The following CRLF1 variants were observed in gnomAD, a reference collection of about 807,000 sequenced individuals.
The protein encoded by CRLF1 is cytokine receptor-like factor 1.
A neutral mutation model predicts 48.9 loss-of-function variants in CRLF1; 36 were observed. That is an observed-to-expected ratio of 0.74 (90% CI 0.56 to 0.97). CRLF1 has a LOEUF of 0.97. CRLF1 is among the 50% of genes least tolerant of loss of function. The pLI is 0.00. For missense variants in CRLF1, 534 were observed against 575.1 expected, an observed-to-expected ratio of 0.93 and a Z score of 0.73; for synonymous variants, 256 against 253.4, an observed-to-expected ratio of 1.01 and a Z score of -0.10.
intron 2 of CRLF1, 44 bp from the exon 3 acceptor site, chr19:18,598,945 C>T: frequency 6.2e-7 from 1 of 1,608,046 alleles, no homozygotes; most frequent in South Asian, 1.1e-5. Flanking sequence ...AGGGTCTGGA[C>T]TAGCTGAGCC....
intron 1 of CRLF1, among the ~76,000 whole-genome samples, chr19:18,604,935 C>G (rs1448181544): frequency 6.6e-6 from 1 of 152,146 alleles, no homozygotes; most frequent in Non-Finnish European, 1.5e-5. Flanking sequence ...GTGAGATTCT[C>G]TGCAAGCAGG....
chr19:18,596,769 G>A lies in CRLF1; in HGVS notation c.877C>T (p.Gln293Ter). The A allele has an allele frequency of 2.5e-6, 4 of 1,614,056 alleles. No individual in the cohort carries two copies. The highest frequency in any genetic ancestry group is 3.4e-6 in the Non-Finnish European group (4 of 1,179,996). ...AGGCCGGCCAGGCGGCAGGAGGTCT[G>A]GTTGCTCACATCGTCCACCACCTGG... is the stretch of plus-strand genomic sequence containing the variant. ...DWKVVDDVSN[Q>*]TSCRLAGLKP... is the part of the protein sequence containing the mutation. Residue 293 changes from glutamine to a stop codon, truncating the protein, a stop_gained, in exon 6 of 9, where the codon CAG becomes TAG. Transcript: ENST00000392386. LOFTEE classifies it high-confidence loss of function.
chr19:18,598,419 A>C lies in CRLF1; in HGVS notation c.697+13T>G. On this transcript the variant is annotated intron_variant, in intron 4 of 8. Transcript: ENST00000392386. Reference sequence around the variant, plus strand: ...GTGCCGAGGGAGGGGCCTAGCAGACACTGGGGGCTCACCCACATCCAGGAT... The same window carrying C: ...GTGCCGAGGGAGGGGCCTAGCAGACCCTGGGGGCTCACCCACATCCAGGAT... 5.0e-6 allele frequency: 8 copies of C among 1,608,092 alleles called. No individual in the cohort carries two copies. Among genetic ancestry groups the C allele is most frequent in the Non-Finnish European group, 6.8e-6 (8 of 1,176,174 alleles).
Position 18,599,658 on chromosome 19 carries a change from T to A in CRLF1, c.304A>T (p.Asn102Tyr). ...GACCGCTGCCTGGACCCATTGAGGTTGGCCAGGGCCAGAGCCAAGGTGGAG... is the reference window on the plus strand; with the variant it reads ...GACCGCTGCCTGGACCCATTGAGGTAGGCCAGGGCCAGAGCCAAGGTGGAG... ...NASTLALALA[N>Y]LNGSRQRSGD... The change falls in exon 2 of 9, where the codon AAC becomes TAC. Residue 102 changes from asparagine to tyrosine, a missense_variant. By Grantham distance (143) the Asn-to-Tyr change is moderately radical. This residue lies in a region of CRLF1 where 528 missense variants were observed against 555.7 expected (regional missense o/e 0.95). Transcript: ENST00000392386. The A allele has an allele frequency of 6.2e-7, 1 of 1,613,536 alleles. No homozygotes were observed. The highest frequency in any genetic ancestry group is 8.5e-7 in the Non-Finnish European group (1 of 1,179,912).
chr19:18,606,376 G>A lies in CRLF1; in HGVS notation c.115+166C>T, dbSNP rs1317504147. ...GACTCTCTGGACAGTGGACTGCGGC[G>A]CCGTGTGCCCCGCAGGTGAGGGCGC... On this transcript the variant is annotated intron_variant, in intron 1 of 8. Coordinates refer to ENST00000392386, the MANE Select transcript of CRLF1 (RefSeq NM_004750.5). This position sits in a 1 kb window ranked among gnomAD's most constrained non-coding sequence, Gnocchi z 4.8. 6.6e-6 allele frequency among the ~76,000 whole-genome samples: 1 copy of A among 151,276 alleles called. No individual in the cohort carries two copies. The highest frequency in any genetic ancestry group is 2.1e-4 in the South Asian group (1 of 4,810).
chr19:18,594,029 T>TGGGTGGGG, intron 8 of CRLF1, 36 bp downstream of exon 8: 27 of 1,366,572 alleles, frequency 2.0e-5, no homozygotes, highest in Non-Finnish European at 2.6e-5. Context: ...GCCCTCCCCT[T>TGGGTGGGG]GCTCCCTCCC....
intron 4 of CRLF1, among the ~76,000 whole-genome samples, chr19:18,598,196 G>A (rs904053253): frequency 2.0e-5 from 3 of 152,154 alleles, no homozygotes; most frequent in Non-Finnish European, 4.4e-5. Flanking sequence ...GCCAGGCCAG[G>A]TGTTCTCTGT....
At position 18,596,877 on chromosome 19, in the gene CRLF1, G is replaced by C; in HGVS notation, c.855+15C>G. The C allele has an allele frequency of 1.9e-6, 3 of 1,614,022 alleles. No homozygotes were observed. Among genetic ancestry groups the C allele is most frequent in the Non-Finnish European group, 2.5e-6 (3 of 1,180,014 alleles). ...TGGAAGGAACAGGGGCGGAGTCAGGGAAGGGGAGGGTCACCTTCCAGTCCA... is the reference window on the plus strand; with the variant it reads ...TGGAAGGAACAGGGGCGGAGTCAGGCAAGGGGAGGGTCACCTTCCAGTCCA... On this transcript the variant is annotated intron_variant, in intron 5 of 8. Coordinates refer to ENST00000392386, the MANE Select transcript of CRLF1 (RefSeq NM_004750.5).
Position 18,597,027 on chromosome 19 carries a change from G to T in CRLF1, c.720C>A (p.Asp240Glu), listed in dbSNP as rs894095040. ...GGCCCCCGACGCGGCTCACGTGCACGTCGGGCGGGGGGTCCGTGGTCACTG... is the reference window on the plus strand; with the variant it reads ...GGCCCCCGACGCGGCTCACGTGCACTTCGGGCGGGGGGTCCGTGGTCACTG... ...LDVVTTDPPP[D>E]VHVSRVGGLE... The change falls in exon 5 of 9, where the codon GAC becomes GAA. Residue 240 changes from aspartate (D) to glutamate (E), a missense_variant. Physicochemically the swap from Asp to Glu is conservative, Grantham distance 45 (BLOSUM62 2). Around this residue, in one of 2 missense-constraint regions of CRLF1, gnomAD observed 528 missense variants for 555.7 expected, o/e 0.95. Transcript: ENST00000392386. 1 of 1,612,782 alleles carries T rather than the reference G, an allele frequency of 6.2e-7. No individual in the cohort carries two copies. The highest frequency in any genetic ancestry group is 8.5e-7 in the Non-Finnish European group (1 of 1,179,590).
At chr19:18,594,016 G>A in intron 8 of CRLF1, 49 bp downstream of exon 8, 1 of 1,539,542 alleles carries the variant, frequency 6.5e-7, no homozygotes, top group Non-Finnish European at 8.8e-7. Flanking sequence ...GCCACCGGAA[G>A]GGGCCCTCCC....
chr19:18,599,140 C>CGCCA, intron 2 of CRLF1: 5 of 982,922 alleles, frequency 5.1e-6, no homozygotes, highest in Non-Finnish European at 6.0e-6. Flanking sequence ...AAGTCTCGCT[C>CGCCA]TGTCCCCCAG....
rs1424357190 is a variant in CRLF1 at position 18,604,907 on chromosome 19, G to A, written c.115+1635C>T. 3.9e-5 allele frequency among the ~76,000 whole-genome samples: 6 copies of A among 152,250 alleles called. No homozygotes were observed. In the East Asian group the frequency reaches 9.7e-4, roughly 25 times the overall value. ...CCGTTATTAAAAAGGAACACCATGT[G>A]TTTTAAAAGGGAAAAGTGTGAGATT... On this transcript the variant is annotated intron_variant, in intron 1 of 8. Transcript: ENST00000392386.
At chr19:18,596,505 G>A in intron 6 of CRLF1, 117 bp downstream of exon 6, 2 of 1,264,450 alleles carry the variant, frequency 1.6e-6, no homozygotes, top group African/African-American at 1.5e-5. Context: ...ACACCACTAT[G>A]CGACAGAATG....
rs80184203 is a variant in CRLF1, at chr19:18,593,284, T to C, written c.*282A>G. 563 of 497,548 alleles carry C rather than the reference T, an allele frequency of 1.1e-3. 6 individuals are homozygous for C. In the East Asian group the frequency reaches 0.016, roughly 14 times the overall value. 30.8% of individuals were successfully genotyped at this position (497,548 alleles called of 1,614,324 possible). A position where few individuals can be genotyped will look rare whatever the true frequency, so the allele number is the denominator to read the frequency against. Reference sequence around the variant, plus strand: ...TAAAAGGACTCTTTTGGAGGGGCCCTAGGTAATGGGGAGTAATGACTCCCC... The same window carrying C: ...TAAAAGGACTCTTTTGGAGGGGCCCCAGGTAATGGGGAGTAATGACTCCCC... On this transcript the variant is annotated 3_prime_UTR_variant, in exon 9 of 9. Coordinates refer to ENST00000392386, the MANE Select transcript of CRLF1 (RefSeq NM_004750.5).
In CRLF1 at chr19:18,596,980, C is replaced by A. The variant is rs763935340; in HGVS notation, c.767G>T (p.Arg256Leu). Reference sequence around the variant, plus strand: ...CTTGAGGGCGGGTGGCGACACCCAGCGCACGCTCAGCTGGTCCTCCAGGCC... The same window carrying A: ...CTTGAGGGCGGGTGGCGACACCCAGAGCACGCTCAGCTGGTCCTCCAGGCC... ...VGGLEDQLSV[R>L]WVSPPALKDF... Residue 256 changes from arginine (R) to leucine (L), a missense_variant, in exon 5 of 9, where the codon CGC (arginine) becomes CTC (leucine). By Grantham distance (102) the Arg-to-Leu change is moderately radical. Coordinates refer to ENST00000392386, the MANE Select transcript of CRLF1 (RefSeq NM_004750.5). The A allele has an allele frequency of 1.2e-6, 2 of 1,613,880 alleles. No homozygotes were observed. Among genetic ancestry groups the A allele is most frequent in the African/African-American group, 1.3e-5 (1 of 75,026 alleles).
At position 18,597,167 on chromosome 19, in the gene CRLF1, C is replaced by T. The variant is rs955273434; in HGVS notation, c.698-118G>A. The T allele has an allele frequency of 1.1e-5, 12 of 1,057,964 alleles. No individual in the cohort carries two copies. In the African/African-American group the frequency reaches 1.6e-4, roughly 14 times the overall value. The allele number at this position is 1,057,964 out of a possible 1,614,324, so 65.5% of individuals were successfully genotyped here. On this transcript the variant is annotated intron_variant, in intron 4 of 8. Coordinates refer to ENST00000392386, the MANE Select transcript of CRLF1 (RefSeq NM_004750.5). Reference sequence around the variant, plus strand: ...CCTGCCTCTGTTTTCCTCCTCTTCCCTCTGCCCCCACCCCCAGGACTGGTG... The same window carrying T: ...CCTGCCTCTGTTTTCCTCCTCTTCCTTCTGCCCCCACCCCCAGGACTGGTG...
At chr19:18,602,993 G>A (rs765137684) in intron 1 of CRLF1, among the ~76,000 whole-genome samples, 9 of 152,368 alleles carry the variant, frequency 5.9e-5, no homozygotes, top group African/African-American at 9.6e-5. Flanking sequence ...TGACAGGCGT[G>A]AGCCACTGCA....
rs577962660 is a variant in CRLF1 at position 18,606,081 on chromosome 19, C to A, written c.115+461G>T. ...GCGCGCCAGGCGGCCAGAGCGGCCC[C>A]CCTGCAGCCCCGCCCTCCCCGTGGG... On this transcript the variant is annotated intron_variant, in intron 1 of 8. Transcript: ENST00000392386. The surrounding 1 kb of genome is among the most constrained non-coding windows in gnomAD (Gnocchi z 4.8). Among the ~76,000 whole-genome samples, 7 of 151,770 alleles carry A rather than the reference C, an allele frequency of 4.6e-5. No individual in the cohort carries two copies. The South Asian group carries it at 1.5e-3, about 31-fold the overall frequency.
intron 1 of CRLF1, among the ~76,000 whole-genome samples, chr19:18,602,870 C>G (rs533285790): frequency 6.6e-6 from 1 of 151,942 alleles, no homozygotes; most frequent in African/African-American, 2.4e-5. Flanking sequence ...ACCTCCACAC[C>G]CAGCTAATTT....
Sources: allele counts gnomAD v4.1 joint callset (sites outside exome capture counted in the v4.1 genomes callset), GRCh38; gene constraint gnomAD v4.1.1; regional missense constraint gnomAD v4.1.1; non-coding constraint Gnocchi (gnomAD v3.1); transcripts MANE v1.5; gene names NCBI Gene and HGNC (gene_info 2026-07-23, HGNC 2026-07-21).